The following B4GALNT2 variants were observed in gnomAD, a reference collection of about 807,000 sequenced individuals.
B4GALNT2 encodes the protein beta-1,4-N-acetyl-galactosaminyltransferase 2 (SID blood group), also known as N-acetylneuraminylgalactosylglucosyl-glucoside beta-1,4-N- acetylgalactosaminyltransferase 2.
In B4GALNT2, 42 loss-of-function variants were observed where a neutral mutation model predicts 51.1. The observed-to-expected ratio is 0.82, with a 90% CI of 0.64 to 1.06. The LOEUF (loss-of-function observed/expected upper bound fraction) is 1.06, where lower values mean the gene tolerates loss of function less well. Ranked by LOEUF, B4GALNT2 falls within the 50% of genes least tolerant of loss-of-function variation. The pLI is 0.00. For missense variants in B4GALNT2, 602 were observed against 633.6 expected (o/e 0.95, Z 0.54); for synonymous variants, 253 against 251.7 (o/e 1.01, Z -0.05).
chr17:49,145,201 T>C (rs1052062315), intron 3 of B4GALNT2, among the ~76,000 whole-genome samples: 1 of 152,132 alleles, frequency 6.6e-6, no homozygotes, highest in African/African-American at 2.4e-5. Context: ...CTTGAACCCA[T>C]ACACATCTCC....
chr17:49,140,988 AT>A (rs2042638492), intron 1 of B4GALNT2, among the ~76,000 whole-genome samples: 1 of 150,958 alleles, frequency 6.6e-6, no homozygotes, highest in South Asian at 2.1e-4. Context: ...AAATGCTGGG[AT>A]TACAGGTGTG....
At position 49,142,186 on chromosome 17, in the gene B4GALNT2, T is replaced by C; in HGVS notation, c.353+14T>C. On this transcript the variant is annotated intron_variant, in intron 3 of 10. Coordinates refer to ENST00000393354, the MANE Select transcript of B4GALNT2 (RefSeq NM_001159387.2). ...CTTTCAGAGGAGGTAATGCGGGTCA[T>C]GAAGGCCCTTGGGTTCTGAGATGGA... 6.2e-7 allele frequency: 1 copy of C among 1,613,898 alleles called. No individual in the cohort carries two copies. Among genetic ancestry groups the C allele is most frequent in the Non-Finnish European group, 8.5e-7 (1 of 1,179,968 alleles).
At chr17:49,163,034 C>T (rs1366030161) in intron 7 of B4GALNT2, among the ~76,000 whole-genome samples, 1 of 151,978 alleles carries the variant, frequency 6.6e-6, no homozygotes, top group African/African-American at 2.4e-5. Flanking sequence ...TGCACTCACC[C>T]ACAAACAGGT....
chr17:49,164,149 C>T lies in B4GALNT2; in HGVS notation c.828C>T (p.Leu276=), dbSNP rs377296073. ...ATKTFLRPHK[L]MIMLRSIREY... is the part of the protein sequence containing the mutation. ...AGACTTTCCTCCGCCCCCACAAGCT[C>T]ATGATCATGCTCCGGAGTATTCGAG... The change falls in exon 8 of 11, where the codon CTC becomes CTT. Residue 276 remains leucine, a synonymous_variant. Transcript: ENST00000393354. The T allele has an allele frequency of 6.2e-7, 1 of 1,614,158 alleles. No homozygotes were observed. Among genetic ancestry groups the T allele is most frequent in the Non-Finnish European group, 8.5e-7 (1 of 1,179,980 alleles).
Position 49,159,027 on chromosome 17 carries a change from C to A in B4GALNT2, c.499-10C>A. ...CTGCATTGAGCATCATTCTACCTCA[C>A]CCACCCTAGGTCACCCTGACAGCTT... On this transcript the variant is annotated splice_polypyrimidine_tract_variant and intron_variant, in intron 5 of 10. Transcript: ENST00000393354. 1 of 1,613,140 alleles carries A rather than the reference C, an allele frequency of 6.2e-7. No individual in the cohort carries two copies. Among genetic ancestry groups the A allele is most frequent in the Non-Finnish European group, 8.5e-7 (1 of 1,179,354 alleles).
chr17:49,134,461 G>A (rs2042571960), intron 1 of B4GALNT2, among the ~76,000 whole-genome samples: 3 of 152,236 alleles, frequency 2.0e-5, no homozygotes, highest in Non-Finnish European at 4.4e-5. Context: ...CTGGAGTGCA[G>A]TGATGCGATC....
intron 9 of B4GALNT2, among the ~76,000 whole-genome samples, chr17:49,167,690 G>T (rs2042923617): frequency 6.8e-6 from 1 of 147,392 alleles, no homozygotes; most frequent in Admixed American, 7.0e-5. Flanking sequence ...GCTCACTGCA[G>T]CCTCTGTCTC....
At chr17:49,140,405 G>A (rs1159165802) in intron 1 of B4GALNT2, among the ~76,000 whole-genome samples, 1 of 152,034 alleles carries the variant, frequency 6.6e-6, no homozygotes, top group African/African-American at 2.4e-5. Context: ...CGGCATATGT[G>A]GCCAATTTTT....
intron 3 of B4GALNT2, among the ~76,000 whole-genome samples, chr17:49,151,707 C>T (rs2042756379): frequency 1.3e-5 from 2 of 150,160 alleles, no homozygotes; most frequent in South Asian, 4.2e-4. Flanking sequence ...GATCGCACCA[C>T]TGAACTCCAG....
intron 5 of B4GALNT2, among the ~76,000 whole-genome samples, chr17:49,157,718 T>C (rs2042823888): frequency 6.6e-6 from 1 of 152,176 alleles, no homozygotes; most frequent in African/African-American, 2.4e-5. Context: ...CACCTCGGTC[T>C]CCCAAAGCAG....
intron 5 of B4GALNT2, 70 bp downstream of exon 5, chr17:49,156,673 C>A: frequency 6.5e-7 from 1 of 1,536,954 alleles, no homozygotes; most frequent in South Asian, 1.2e-5. Context: ...TGGCTGCTCT[C>A]AGCCTTTGAC....
At chr17:49,169,189 C>G (rs1281338788) in intron 10 of B4GALNT2, among the ~76,000 whole-genome samples, 2 of 152,060 alleles carry the variant, frequency 1.3e-5, no homozygotes, top group African/African-American at 4.8e-5. Flanking sequence ...GCTTCATATT[C>G]TATTTTTTCA....
At chr17:49,162,795 C>T (rs34279337) in intron 7 of B4GALNT2, among the ~76,000 whole-genome samples, 62,378 of 150,432 alleles carry the variant, frequency 0.41, 13,310 homozygotes, top group Middle Eastern at 0.48. Context: ...CGTCTGTAGT[C>T]CCTGCTACTT....
At chr17:49,155,992 AC>A (rs1459553507) in intron 4 of B4GALNT2, among the ~76,000 whole-genome samples, 1 of 151,984 alleles carries the variant, frequency 6.6e-6, no homozygotes, top group Non-Finnish European at 1.5e-5. Flanking sequence ...CTCCCAAAGC[AC>A]TGAGATTACA....
upstream of B4GALNT2, among the ~76,000 whole-genome samples, chr17:49,129,529 G>C (rs1298211774): frequency 2.6e-5 from 4 of 152,168 alleles, no homozygotes; most frequent in African/African-American, 4.8e-5. Flanking sequence ...CCAAATGTAA[G>C]AGTTAAAGAA....
chr17:49,148,786 G>A (rs752143066), intron 3 of B4GALNT2: 10 of 436,500 alleles, frequency 2.3e-5, no homozygotes, highest in African/African-American at 4.1e-5. Context: ...GGCTGGGTGC[G>A]GTAGCTCACA....
intron 7 of B4GALNT2, among the ~76,000 whole-genome samples, chr17:49,161,076 A>G (rs4794026): frequency 0.59 from 90,257 of 151,804 alleles, 27,242 homozygotes; most frequent in East Asian, 0.84. Flanking sequence ...GGAGTTCAAG[A>G]CTAGTCTAGC....
intron 1 of B4GALNT2, among the ~76,000 whole-genome samples, chr17:49,138,647 G>A (rs995844187): frequency 6.6e-6 from 1 of 152,212 alleles, no homozygotes; most frequent in East Asian, 1.9e-4. Context: ...GGAGGCCGAG[G>A]CAGGCAGATC....
rs62079764 is a variant in B4GALNT2, at chr17:49,138,985, G to T, written c.15-2262G>T. Among the ~76,000 whole-genome samples the T allele has an allele frequency of 2.0e-3, 310 of 151,988 alleles. 1 individual carries two copies. The highest frequency in any genetic ancestry group is 3.2e-3 in the Non-Finnish European group (218 of 67,956). The stretch of plus-strand genomic sequence containing the variant: ...AATGCACACAAAGCTCTTGGCAGGG[G>T]GTCTAGAACATACTAAGTGGTCATT... On this transcript the variant is annotated intron_variant, in intron 1 of 10. Coordinates refer to ENST00000393354, the MANE Select transcript of B4GALNT2 (RefSeq NM_001159387.2).
Sources: gnomAD v4.1 joint callset for allele counts (sites outside exome capture counted in the v4.1 genomes callset) on GRCh38, gnomAD v4.1.1 for gene constraint, MANE v1.5 for transcripts, NCBI Gene and HGNC (gene_info 2026-07-23, HGNC 2026-07-21) for gene names.